Variants in MYH8 observed in about 807,000 individuals in gnomAD.
MYH8 encodes myosin-8.
A neutral mutation model predicts 233.2 loss-of-function variants in MYH8; 168 were observed. The observed-to-expected ratio is 0.72, with a 90% confidence interval of 0.64 to 0.82. The LOEUF (loss-of-function observed/expected upper bound fraction) is 0.82, where lower values mean the gene tolerates loss of function less well. Among genes scored for constraint, MYH8 ranks in the 40% least tolerant of loss-of-function variants. The pLI is 0.00. For synonymous variants in MYH8, 785 were observed against 850.6 expected, an observed-to-expected ratio of 0.92 and a Z score of 1.34; for missense variants, 1,995 against 2,327.8, an observed-to-expected ratio of 0.86 and a Z score of 2.94.
rs1481540513 is a variant in MYH8, at chr17:10,409,022, T to C, written c.1965+75A>G. 14 of 1,407,652 alleles carry C rather than the reference T, an allele frequency of 9.9e-6. No individual in the cohort carries two copies. The South Asian group carries it at 1.4e-4, about 14-fold the overall frequency. The allele number at this position is 1,407,652 out of a possible 1,614,324, so 87.2% of individuals were successfully genotyped here. A position where few individuals can be genotyped will look rare whatever the true frequency, so the allele number is the denominator to read the frequency against. On this transcript the variant is annotated intron_variant, in intron 17 of 39. Coordinates refer to ENST00000403437, the MANE Select transcript of MYH8 (RefSeq NM_002472.3). ...TTCCTATTAACATTTTATTGCCTCA[T>C]AATTTTTTCTAAATCCTTAATTATG...
At chr17:10,399,802 G>T in intron 27 of MYH8, 133 bp from the exon 28 acceptor site, 1 of 1,292,828 alleles carries the variant, frequency 7.7e-7, no homozygotes, top group Non-Finnish European at 1.1e-6. Flanking sequence ...CAACTCTGTG[G>T]AACATGCAAG....
chr17:10,402,246 T>C (rs1198209277), intron 22 of MYH8, among the ~76,000 whole-genome samples: 1 of 152,180 alleles, frequency 6.6e-6, no homozygotes, highest in African/African-American at 2.4e-5. Flanking sequence ...TTGGTTAGTT[T>C]TGGTTTTGAT....
rs2072044448 is a variant in MYH8, at chr17:10,393,048, G to A, written c.5292+37C>T. 9 of 1,614,096 alleles carry A rather than the reference G, an allele frequency of 5.6e-6. No homozygotes were observed. The South Asian group carries it at 8.8e-5, about 16-fold the overall frequency. On this transcript the variant is annotated intron_variant, in intron 36 of 39. Transcript: ENST00000403437. ...AAAGTAATGAAACTTGATGATAGCA[G>A]GTGCATACGTGTCAGTAGGCCAAAT...
rs758265899 is a variant in MYH8 at position 10,414,020 on chromosome 17, G to A, written c.1029C>T (p.Gly343=). The A allele has an allele frequency of 1.9e-6, 3 of 1,613,998 alleles. No individual in the cohort carries two copies. Among genetic ancestry groups the A allele is most frequent in the South Asian group, 1.1e-5 (1 of 91,080 alleles). ...TGGACACTTTCTCTTCAGGAGTGAA[G>A]CCCAGGATGTCAATGGCACTCTACC... The part of the protein sequence containing the change: ...MATDSAIDIL[G]FTPEEKVSIY... The change falls in exon 12 of 40, where the codon GGC becomes GGT. Residue 343 remains glycine (G), a synonymous_variant. Coordinates refer to ENST00000403437, the MANE Select transcript of MYH8 (RefSeq NM_002472.3).
Position 10,406,184 on chromosome 17 carries a change from A to T in MYH8, c.2296-7T>A. ...GTCCAGCTTTGAAGAAAACCTGGAG[A>T]AAGAGAGAGTCACAAATCATCTCCA... On this transcript the variant is annotated splice_polypyrimidine_tract_variant and splice_region_variant and intron_variant, in intron 20 of 39. Transcript: ENST00000403437. 6.2e-7 allele frequency: 1 copy of T among 1,614,076 alleles called. No individual in the cohort carries two copies. Among genetic ancestry groups the T allele is most frequent in the Middle Eastern group, 1.7e-4 (1 of 6,060 alleles).
At chr17:10,406,618 A>G in intron 19 of MYH8, 72 bp downstream of exon 19, 1 of 1,424,350 alleles carries the variant, frequency 7.0e-7, no homozygotes, top group Non-Finnish European at 9.9e-7. Flanking sequence ...ACAAGACTAT[A>G]TTATTCGACT....
In MYH8 at chr17:10,397,004, C is replaced by T; in HGVS notation, c.4179-18G>A. 6.2e-7 allele frequency: 1 copy of T among 1,614,036 alleles called. No individual in the cohort carries two copies. Among genetic ancestry groups the T allele is most frequent in the Non-Finnish European group, 8.5e-7 (1 of 1,179,968 alleles). On this transcript the variant is annotated intron_variant, in intron 30 of 39. Coordinates refer to ENST00000403437, the MANE Select transcript of MYH8 (RefSeq NM_002472.3). The stretch of plus-strand genomic sequence containing the variant: ...ACTTTTTCCTGAAAAGTTAGCCAGG[C>T]AGTCAGGAGAATGGCCAAGACCAGA...
chr17:10,415,282 A>T lies in MYH8; in HGVS notation c.741+10T>A. On this transcript the variant is annotated intron_variant, in intron 8 of 39. Coordinates refer to ENST00000403437, the MANE Select transcript of MYH8 (RefSeq NM_002472.3). The surrounding 1 kb of genome is among the most constrained non-coding windows in gnomAD (Gnocchi z 4.1). ...CTCTGGAAGTTAGGGGTTGAGACCA[A>T]GAGACTCACAAAGCGAGAGGAGTTG... 1.9e-6 allele frequency: 3 copies of T among 1,612,086 alleles called. No individual in the cohort carries two copies.
intron 22 of MYH8, among the ~76,000 whole-genome samples, chr17:10,403,116 G>GA (rs771331990): frequency 1.6e-4 from 24 of 150,132 alleles, no homozygotes; most frequent in African/African-American, 3.7e-4. Flanking sequence ...GTCAAGTTAG[G>GA]AAAAAAAAAT....
intron 2 of MYH8, 107 bp from the exon 3 acceptor site, chr17:10,420,364 T>C: frequency 2.8e-6 from 3 of 1,054,974 alleles, no homozygotes; most frequent in Non-Finnish European, 4.2e-6. Context: ...GCTGTAACTA[T>C]TCCTCCAAAC....
rs1399133804 is a variant in MYH8 at position 10,391,995 on chromosome 17, A to G, written c.5569-18T>C. On this transcript the variant is annotated intron_variant, in intron 38 of 39. Transcript: ENST00000403437. ...TCTTCAGTCTGAAAGTTTGAAAAAA[A>G]TAATCTGCATTCATTCCGAAGAGAT... 3.1e-6 allele frequency: 5 copies of G among 1,599,816 alleles called. No individual in the cohort carries two copies. Among genetic ancestry groups the G allele is most frequent in the Middle Eastern group, 1.7e-4 (1 of 6,044 alleles).
Position 10,419,142 on chromosome 17 carries a change from C to T in MYH8, c.211-112G>A, listed in dbSNP as rs1567690989. 1 of 1,246,582 alleles carries T rather than the reference C, an allele frequency of 8.0e-7. No individual in the cohort carries two copies. Among genetic ancestry groups the T allele is most frequent in the Non-Finnish European group, 1.2e-6 (1 of 868,652 alleles). 77.2% of individuals were successfully genotyped at this position (1,246,582 alleles called of 1,614,324 possible). On this transcript the variant is annotated intron_variant, in intron 3 of 39. Coordinates refer to ENST00000403437, the MANE Select transcript of MYH8 (RefSeq NM_002472.3). The surrounding 1 kb of genome is among the most constrained non-coding windows in gnomAD (Gnocchi z 4.0). ...GCGCGATCTCAGCTCACTGCAACCTCCGCCCTCCTGCTTCAAGTGATTGTC... is the reference window on the plus strand; with the variant it reads ...GCGCGATCTCAGCTCACTGCAACCTTCGCCCTCCTGCTTCAAGTGATTGTC...
chr17:10,400,582 C>CA lies in MYH8; in HGVS notation c.3542dup (p.Glu1182GlyfsTer8), dbSNP rs2072129570. On this transcript the variant is annotated frameshift_variant, in exon 27 of 40. Coordinates refer to ENST00000403437, the MANE Select transcript of MYH8 (RefSeq NM_002472.3). LOFTEE classifies it high-confidence loss of function. The surrounding 1 kb of genome is among the most constrained non-coding windows in gnomAD (Gnocchi z 4.0). ...CTTCATGCTGCAGGGTGGCCTCCTC[C>CA]AGGTCCCTGCGCAGTTTCTGAAACT... 6.2e-7 allele frequency: 1 copy of CA among 1,614,118 alleles called. No homozygotes were observed. The highest frequency in any genetic ancestry group is 1.7e-5 in the Admixed American group (1 of 60,010).
At chr17:10,391,597 T>G (rs916477393) in intron 39 of MYH8, among the ~76,000 whole-genome samples, 3 of 152,138 alleles carry the variant, frequency 2.0e-5, no homozygotes, top group African/African-American at 7.2e-5. Flanking sequence ...TAAGAATCAC[T>G]TGAGCTTGGG....
At chr17:10,411,108 G>T (rs938387551) in intron 14 of MYH8, among the ~76,000 whole-genome samples, 161 bp from the exon 15 acceptor site, 1 of 152,172 alleles carries the variant, frequency 6.6e-6, no homozygotes, top group Non-Finnish European at 1.5e-5. Flanking sequence ...CGGGCACGGT[G>T]GCTCACACCT....
intron 39 of MYH8, among the ~76,000 whole-genome samples, chr17:10,391,354 GC>G (rs530548922): frequency 5.8e-4 from 89 of 152,230 alleles, no homozygotes; most frequent in Admixed American, 4.9e-3. Context: ...TTTAGAACTT[GC>G]CCCCCTCAAC....
intron 17 of MYH8, 91 bp downstream of exon 17, chr17:10,409,006 A>G (rs1033112634): frequency 4.0e-5 from 48 of 1,207,014 alleles, no homozygotes; most frequent in African/African-American, 6.1e-5. Context: ...ATTCCTATTA[A>G]CATTTTATTG....
chr17:10,390,426 G>C lies in MYH8; in HGVS notation c.*28C>G, dbSNP rs376017515. Reference sequence around the variant, plus strand: ...ATAGCACATTTTGTGCCTTTCTTCAGCCTCTTGATAGCATCAGGCAGGTGT... The same window carrying C: ...ATAGCACATTTTGTGCCTTTCTTCACCCTCTTGATAGCATCAGGCAGGTGT... On this transcript the variant is annotated 3_prime_UTR_variant, in exon 40 of 40. Coordinates refer to ENST00000403437, the MANE Select transcript of MYH8 (RefSeq NM_002472.3). 1.2e-6 allele frequency: 2 copies of C among 1,612,564 alleles called. No homozygotes were observed. Among genetic ancestry groups the C allele is most frequent in the East Asian group, 2.2e-5 (1 of 44,878 alleles).
In MYH8 at chr17:10,418,980, A is replaced by G. The variant is rs780279672; in HGVS notation, c.261T>C (p.Tyr87=). Residue 87 remains tyrosine (Y), a synonymous_variant, in exon 4 of 40, where the codon TAT becomes TAC. Coordinates refer to ENST00000403437, the MANE Select transcript of MYH8 (RefSeq NM_002472.3). ...DQVFPMNPPK[Y]DKIEDMAMMT... The stretch of plus-strand genomic sequence containing the variant: ...TCATGGCCATGTCCTCAATTTTGTC[A>G]TATTTCGGAGGGTTCATAGGGAAGA... The G allele has an allele frequency of 2.7e-5, 44 of 1,613,998 alleles. No individual in the cohort carries two copies. The highest frequency in any genetic ancestry group is 4.4e-5 in the South Asian group (4 of 91,078).
Sources: allele counts gnomAD v4.1 joint callset (sites outside exome capture counted in the v4.1 genomes callset), GRCh38; gene constraint gnomAD v4.1.1; non-coding constraint Gnocchi (gnomAD v3.1); transcripts MANE v1.5; gene names NCBI Gene and HGNC (gene_info 2026-07-23, HGNC 2026-07-21).